Variants in SON observed in about 807,000 individuals in gnomAD.
SON encodes the protein protein SON.
In SON, 4 loss-of-function variants were observed where a neutral mutation model predicts 173.3. The ratio of observed to expected loss-of-function variants is 0.02; its 90% CI spans 0.01 to 0.05. SON has a LOEUF of 0.05. Among genes scored for constraint, SON ranks in the 10% least tolerant of loss-of-function variants. SON has a pLI of 1.00. For missense variants in SON, 2,626 were observed against 3,055.3 expected (o/e 0.86, Z 3.31); for synonymous variants, 1,190 against 1,105.9 (o/e 1.08, Z -1.51).
Position 33,551,144 on chromosome 21 carries a change from C to T in SON, c.1913C>T (p.Ala638Val), listed in dbSNP as rs754335345. 2.9e-5 allele frequency: 47 copies of T among 1,613,224 alleles called. No individual in the cohort carries two copies. Among genetic ancestry groups the T allele is most frequent in the South Asian group, 5.5e-5 (5 of 91,054 alleles). ...GVLELPGQPG[A>V]PELPGQPVAT... ...CTGGAGTTGCCAGGGCAGCCTGGGG[C>T]GCCAGAGTTGCCTGGGCAGCCTGTG... Residue 638 changes from alanine (A) to valine (V), a missense_variant, in exon 3 of 12, where the codon GCG becomes GTG. Around this residue, in one of 13 missense-constraint regions of SON, gnomAD observed 182 missense variants for 193.6 expected, o/e 0.94. Transcript: ENST00000356577.
chr21:33,573,553 T>C (rs1210039085), intron 9 of SON, 98 bp downstream of exon 9: 9 of 1,046,334 alleles, frequency 8.6e-6, no homozygotes, highest in Non-Finnish European at 1.1e-5. Flanking sequence ...AAGGCACTTC[T>C]TGTATATATA....
rs776976656 is a variant in SON, at chr21:33,554,822, G to A, written c.5591G>A (p.Arg1864Gln). 3.7e-5 allele frequency: 60 copies of A among 1,613,828 alleles called. No individual in the cohort carries two copies. The Admixed American group carries it at 8.3e-4, about 22-fold the overall frequency. The change falls in exon 3 of 12, where the codon CGG (arginine) becomes CAG (glutamine). Residue 1864 changes from arginine (R) to glutamine (Q), a missense_variant. Arg to Gln is a conservative substitution (Grantham distance 43, BLOSUM62 1). Coordinates refer to ENST00000356577, the MANE Select transcript of SON (RefSeq NM_138927.4). ...SKSHRSQTRS[R>Q]SRSRRRRRSS... The stretch of plus-strand genomic sequence containing the variant: ...TCTCATCGCTCTCAGACACGTTCAC[G>A]GTCACGTTCAAGACGCAGGAGGAGA...
chr21:33,569,118 G>T, intron 8 of SON, 31 bp downstream of exon 8: 1 of 1,320,576 alleles, frequency 7.6e-7, no homozygotes, highest in South Asian at 1.2e-5. Context: ...TGAAAGTGTC[G>T]AACAAAAAGT....
At position 33,553,996 on chromosome 21, in the gene SON, G is replaced by A. The variant is rs1413573697; in HGVS notation, c.4765G>A (p.Ala1589Thr). The A allele has an allele frequency of 6.2e-7, 1 of 1,614,016 alleles. No homozygotes were observed. Among genetic ancestry groups the A allele is most frequent in the Non-Finnish European group, 8.5e-7 (1 of 1,180,004 alleles). The change falls in exon 3 of 12, where the codon GCA becomes ACA. Residue 1589 changes from alanine to threonine, a missense_variant. This residue lies in a region of SON where 1,006 missense variants were observed against 895.6 expected (regional missense o/e 1.12). Coordinates refer to ENST00000356577, the MANE Select transcript of SON (RefSeq NM_138927.4). ...CTACCCTGGTGTTAGTGAAGCTGAT[G>A]CAGGAGAAACTCTATCTTCTACTGG... ...DTYPGVSEADAGETLSSTGPF... is the reference protein window; with the variant it reads ...DTYPGVSEADTGETLSSTGPF...
At chr21:33,566,236 A>G (rs914135679) in intron 6 of SON, among the ~76,000 whole-genome samples, 5 of 152,150 alleles carry the variant, frequency 3.3e-5, no homozygotes, top group African/African-American at 1.2e-4. Context: ...CTAGGAAATA[A>G]TAATAATGTT....
chr21:33,575,400 T>A, intron 9 of SON, 196 bp from the exon 10 acceptor site: 1 of 463,058 alleles, frequency 2.2e-6, no homozygotes, highest in Admixed American at 3.8e-5. Context: ...CCAAGATCTA[T>A]GAATATTAAA....
intron 9 of SON, 92 bp downstream of exon 9, chr21:33,573,547 C>T: frequency 1.8e-6 from 2 of 1,142,206 alleles, no homozygotes; most frequent in South Asian, 1.7e-5. Context: ...GAACTGAAGG[C>T]ACTTCTTGTA....
At position 33,551,382 on chromosome 21, in the gene SON, T is replaced by G. The variant is rs777140713; in HGVS notation, c.2151T>G (p.Ala717=). The G allele has an allele frequency of 4.3e-6, 7 of 1,614,084 alleles. No individual in the cohort carries two copies. Among genetic ancestry groups the G allele is most frequent in the Non-Finnish European group, 5.9e-6 (7 of 1,179,978 alleles). ...TGGCCCCAGAATCCCATATATTAGCTTCTAACACCATGGAGACCCATATAT... is the reference window on the plus strand; with the variant it reads ...TGGCCCCAGAATCCCATATATTAGCGTCTAACACCATGGAGACCCATATAT... ...PLMAPESHIL[A]SNTMETHILA... is the part of the protein sequence containing the mutation. The change falls in exon 3 of 12, where the codon GCT becomes GCG. Residue 717 remains alanine, a synonymous_variant. Coordinates refer to ENST00000356577, the MANE Select transcript of SON (RefSeq NM_138927.4).
At position 33,551,801 on chromosome 21, in the gene SON, C is replaced by G. The variant is rs372891990; in HGVS notation, c.2570C>G (p.Ala857Gly). Reference protein sequence around the residue: ...ATSTMDSQMLATSSMDSQMLA... With the variant: ...ATSTMDSQMLGTSSMDSQMLA... ...AGCACCATGGACTCCCAGATGTTAG[C>G]AACTAGCTCAATGGATTCCCAGATG... Residue 857 changes from alanine to glycine, a missense_variant, in exon 3 of 12, where the codon GCA (alanine) becomes GGA (glycine). By Grantham distance (60) the Ala-to-Gly change is moderately conservative (BLOSUM62 0). This residue lies in a region of SON where 366 missense variants were observed against 448.6 expected (regional missense o/e 0.82). Coordinates refer to ENST00000356577, the MANE Select transcript of SON (RefSeq NM_138927.4). 2 of 1,613,492 alleles carry G rather than the reference C, an allele frequency of 1.2e-6. No homozygotes were observed. Among genetic ancestry groups the G allele is most frequent in the African/African-American group, 2.7e-5 (2 of 74,896 alleles).
intron 7 of SON, among the ~76,000 whole-genome samples, chr21:33,568,221 A>C (rs1465130774): frequency 6.6e-6 from 1 of 152,182 alleles, no homozygotes; most frequent in Non-Finnish European, 1.5e-5. Flanking sequence ...GGCCGGGTGC[A>C]GTGGCTCACG....
chr21:33,576,152 C>T (rs574505771), intron 11 of SON, among the ~76,000 whole-genome samples: 214 of 151,936 alleles, frequency 1.4e-3, no homozygotes, highest in African/African-American at 5.0e-3. Flanking sequence ...TAATTTAATA[C>T]TTTTGTCAGT....
intron 8 of SON, chr21:33,570,290 C>A (rs2086255984): frequency 6.6e-6 from 1 of 152,144 alleles, no homozygotes; most frequent in South Asian, 2.1e-4. Context: ...CTATGAGTGC[C>A]AGTGAATGAG....
chr21:33,577,457 C>G lies in SON; in HGVS notation c.*1033C>G, dbSNP rs1457899262. On this transcript the variant is annotated 3_prime_UTR_variant, in exon 12 of 12. Transcript: ENST00000356577. ...ACTTTATTTTCAAAAGCTTAAGGCC[C>G]AAATACAAACTTCTCTGGAATAAAC... is the stretch of plus-strand genomic sequence containing the variant. The G allele has an allele frequency of 6.6e-6, 1 of 152,476 alleles. No homozygotes were observed. Among genetic ancestry groups the G allele is most frequent in the African/African-American group, 2.4e-5 (1 of 41,390 alleles). 9.4% of individuals were successfully genotyped at this position (152,476 alleles called of 1,614,324 possible). A position where few individuals can be genotyped will look rare whatever the true frequency, so the allele number is the denominator to read the frequency against.
rs762440671 is a variant in SON, at chr21:33,553,748, CAT to C, written c.4518_4519del (p.Leu1507AlafsTer4). On this transcript the variant is annotated frameshift_variant, in exon 3 of 12. Transcript: ENST00000356577. LOFTEE classifies it high-confidence loss of function. ...CCAGAGATTGGCATGCAGGAGATTG[CAT>C]TGCATTCAGGTGAAGAACCACATGC... 2 of 1,613,922 alleles carry C rather than the reference CAT, an allele frequency of 1.2e-6. No individual in the cohort carries two copies. The highest frequency in any genetic ancestry group is 2.2e-5 in the East Asian group (1 of 44,886).
chr21:33,544,168 G>A (rs1419095553), intron 1 of SON, among the ~76,000 whole-genome samples: 1 of 152,196 alleles, frequency 6.6e-6, no homozygotes, highest in African/African-American at 2.4e-5. Flanking sequence ...ATTTGAAAAT[G>A]GGCCGAAAAC....
intron 6 of SON, among the ~76,000 whole-genome samples, chr21:33,561,136 T>TA (rs1398988671): frequency 1.3e-5 from 2 of 152,198 alleles, no homozygotes; most frequent in Non-Finnish European, 1.5e-5. Context: ...CAGTGCAACT[T>TA]ACAGTTACTG....
chr21:33,558,850 G>A (rs1429465738), intron 4 of SON: 1 of 154,826 alleles, frequency 6.5e-6, no homozygotes, highest in African/African-American at 2.4e-5. Flanking sequence ...ATATCAGTTT[G>A]CACTTGTTAT....
At chr21:33,572,663 CTT>C (rs2145881640) in intron 8 of SON, 1 of 1,096,124 alleles carries the variant, frequency 9.1e-7, no homozygotes, top group Non-Finnish European at 1.2e-6. Context: ...TTTTAAAAGT[CTT>C]TTAACATCAA....
At chr21:33,567,828 G>A (rs1455223163) in intron 7 of SON, among the ~76,000 whole-genome samples, 1 of 152,114 alleles carries the variant, frequency 6.6e-6, no homozygotes, top group African/African-American at 2.4e-5. Context: ...CAGGAGAAAT[G>A]CTTGAACCTG....
Sources: gnomAD v4.1 joint callset for allele counts (sites outside exome capture counted in the v4.1 genomes callset) on GRCh38, gnomAD v4.1.1 for gene constraint, gnomAD v4.1.1 regional missense constraint, MANE v1.5 for transcripts, NCBI Gene and HGNC (gene_info 2026-07-23, HGNC 2026-07-21) for gene names.